ARHGAP24: variants seen among roughly 807,000 people sequenced by gnomAD.
ARHGAP24 encodes the protein rho GTPase-activating protein 24.
In ARHGAP24, 50 loss-of-function variants were observed where a neutral mutation model predicts 76.4. That is an observed-to-expected ratio of 0.65 (90% CI 0.52 to 0.83). The LOEUF (loss-of-function observed/expected upper bound fraction) is 0.83. ARHGAP24 is among the 40% of genes least tolerant of loss of function. The probability of loss-of-function intolerance (pLI) is 0.00; values close to 1 mark genes in which losing one functional copy is unlikely to be tolerated. For missense variants in ARHGAP24, 930 were observed against 914.2 expected, an observed-to-expected ratio of 1.02 and a Z score of -0.22; for synonymous variants, 345 against 323.3, an observed-to-expected ratio of 1.07 and a Z score of -0.72.
At chr4:85,674,205 G>C (rs1288229860) in intron 2 of ARHGAP24, among the ~76,000 whole-genome samples, 2 of 152,162 alleles carry the variant, frequency 1.3e-5, no homozygotes, top group African/African-American at 4.8e-5. Context: ...CCTGGATGCT[G>C]TTGATGCTGC....
chr4:85,676,679 T>C (rs1722991567), intron 2 of ARHGAP24, among the ~76,000 whole-genome samples: 1 of 152,024 alleles, frequency 6.6e-6, no homozygotes, highest in Non-Finnish European at 1.5e-5. Flanking sequence ...AGGTCTGGAG[T>C]TGGGAAGAGC....
chr4:85,606,242 G>A (rs564047952), intron 2 of ARHGAP24, among the ~76,000 whole-genome samples: 17 of 152,290 alleles, frequency 1.1e-4, no homozygotes, highest in African/African-American at 3.4e-4. Flanking sequence ...GGCCGGGCGC[G>A]GTGGCTCACG....
chr4:85,501,516 A>G (rs971462915), intron 1 of ARHGAP24, among the ~76,000 whole-genome samples: 11 of 152,182 alleles, frequency 7.2e-5, no homozygotes, highest in Non-Finnish European at 1.5e-4. Context: ...GGCTGCATAA[A>G]TGTCTTCTTT....
At chr4:85,612,926 G>A (rs1196277157) in intron 2 of ARHGAP24, among the ~76,000 whole-genome samples, 2 of 149,966 alleles carry the variant, frequency 1.3e-5, no homozygotes, top group Non-Finnish European at 3.0e-5. Flanking sequence ...AGCCTTCTGA[G>A]TAGCTGCGAC....
At chr4:85,535,306 C>T (rs1258763794) in intron 1 of ARHGAP24, among the ~76,000 whole-genome samples, 2 of 152,136 alleles carry the variant, frequency 1.3e-5, no homozygotes, top group African/African-American at 4.8e-5. Context: ...CACAAAGTAT[C>T]CTACTTATAT....
chr4:85,942,380 A>G (rs1737003479), intron 5 of ARHGAP24, 107 bp downstream of exon 5: 1 of 1,321,948 alleles, frequency 7.6e-7, no homozygotes, highest in Non-Finnish European at 1.1e-6. Context: ...GTAACAGTTT[A>G]CAACATAGAT....
intron 1 of ARHGAP24, among the ~76,000 whole-genome samples, chr4:85,513,551 C>CA (rs1724366138): frequency 6.9e-6 from 1 of 145,740 alleles, no homozygotes; most frequent in South Asian, 2.1e-4. Context: ...GAATGATTGC[C>CA]TTTTTTTTAA....
chr4:85,912,704 G>T (rs950949024), intron 3 of ARHGAP24, among the ~76,000 whole-genome samples: 9 of 151,998 alleles, frequency 5.9e-5, no homozygotes, highest in African/African-American at 2.2e-4. Flanking sequence ...ATTAAATAAC[G>T]TTGCCAATAA....
At chr4:85,724,529 A>ATATATATG (rs1725093999) in intron 3 of ARHGAP24, among the ~76,000 whole-genome samples, 1 of 101,612 alleles carries the variant, frequency 9.8e-6, no homozygotes, top group African/African-American at 3.6e-5. Context: ...ATATATATAT[A>ATATATATG]GGAATTTTTA....
chr4:85,998,564 A>G (rs1340897659), intron 9 of ARHGAP24, among the ~76,000 whole-genome samples: 1 of 151,784 alleles, frequency 6.6e-6, no homozygotes, highest in Non-Finnish European at 1.5e-5. Context: ...TCTTTCCAGA[A>G]CCCTTATTAA....
At chr4:85,506,134 C>G (rs1019891832) in intron 1 of ARHGAP24, among the ~76,000 whole-genome samples, 1 of 152,098 alleles carries the variant, frequency 6.6e-6, no homozygotes, top group Admixed American at 6.5e-5. Flanking sequence ...AGAGAGGCAC[C>G]TGACTGTATG....
At chr4:85,990,948 A>G (rs11941170) in intron 8 of ARHGAP24, 17 of 152,052 alleles carry the variant, frequency 1.1e-4, no homozygotes, top group African/African-American at 3.4e-4. Flanking sequence ...CAAAATTGAC[A>G]CTTTTCAAAA....
chr4:85,987,186 CTG>C (rs974097001), intron 8 of ARHGAP24, among the ~76,000 whole-genome samples: 4 of 151,938 alleles, frequency 2.6e-5, no homozygotes, highest in African/African-American at 9.7e-5. Flanking sequence ...AAAGGGGAAA[CTG>C]TGTTTAAAAA....
chr4:85,655,812 G>GAA (rs761631119), intron 2 of ARHGAP24, among the ~76,000 whole-genome samples: 3 of 65,692 alleles, frequency 4.6e-5, no homozygotes, highest in African/African-American at 1.5e-4. Flanking sequence ...GAGAGAGAGA[G>GAA]AGAGAAAGAG....
intron 2 of ARHGAP24, 38 bp from the exon 3 acceptor site, chr4:85,721,847 T>C (rs1339671866): frequency 6.5e-7 from 1 of 1,537,714 alleles, no homozygotes; most frequent in South Asian, 1.1e-5. Flanking sequence ...ATGTTTGCTC[T>C]CTGATGATGT....
At chr4:85,779,473 G>T (rs1228781980) in intron 3 of ARHGAP24, among the ~76,000 whole-genome samples, 1 of 152,172 alleles carries the variant, frequency 6.6e-6, no homozygotes, top group South Asian at 2.1e-4. Context: ...CAGCTTGGTA[G>T]ATCTGACCTG....
chr4:85,618,313 T>A (rs1578081660), intron 2 of ARHGAP24, among the ~76,000 whole-genome samples: 1 of 152,310 alleles, frequency 6.6e-6, no homozygotes, highest in African/African-American at 2.4e-5. Context: ...TTTACATTAG[T>A]TCTCTCTTTT....
At chr4:85,718,904 G>A (rs559847394) in intron 2 of ARHGAP24, among the ~76,000 whole-genome samples, 2 of 152,290 alleles carry the variant, frequency 1.3e-5, no homozygotes, top group East Asian at 3.9e-4. Context: ...CAAGGAGGTA[G>A]CATTTATGCT....
chr4:85,896,282 G>A (rs893205177), intron 3 of ARHGAP24, among the ~76,000 whole-genome samples: 3 of 152,052 alleles, frequency 2.0e-5, no homozygotes, highest in African/African-American at 7.2e-5. Context: ...TTATGTTTAC[G>A]ATTAGTTTTT....
Sources: allele counts gnomAD v4.1 joint callset (sites outside exome capture counted in the v4.1 genomes callset), GRCh38; gene constraint gnomAD v4.1.1; transcripts MANE v1.5; gene names NCBI Gene and HGNC (gene_info 2026-07-23, HGNC 2026-07-21).